Variants in PRKAG2 observed in about 807,000 individuals in gnomAD.
PRKAG2 encodes protein kinase AMP-activated non-catalytic subunit gamma 2.
A neutral mutation model predicts 69.6 loss-of-function variants in PRKAG2; 26 were observed. That is an observed-to-expected ratio of 0.37 (90% CI 0.27 to 0.52). The LOEUF (loss-of-function observed/expected upper bound fraction) is 0.52, where lower values mean the gene tolerates loss of function less well. PRKAG2 is among the 20% of genes least tolerant of loss of function. The probability of loss-of-function intolerance (pLI) is 0.90; values close to 1 mark genes in which losing one functional copy is unlikely to be tolerated. For missense variants in PRKAG2, 557 were observed against 740.0 expected, an observed-to-expected ratio of 0.75 and a Z score of 2.87; for synonymous variants, 293 against 285.0, an observed-to-expected ratio of 1.03 and a Z score of -0.28.
chr7:151,825,232 A>T (rs1294407249), intron 1 of PRKAG2, among the ~76,000 whole-genome samples: 1 of 152,138 alleles, frequency 6.6e-6, no homozygotes, highest in Non-Finnish European at 1.5e-5. Context: ...ACAGAAGGTC[A>T]TTTGTTGGCT....
chr7:151,862,424 A>G (rs943094745), intron 1 of PRKAG2, among the ~76,000 whole-genome samples: 1 of 152,172 alleles, frequency 6.6e-6, no homozygotes, highest in Non-Finnish European at 1.5e-5. Flanking sequence ...AAACGGGTTC[A>G]CTCAGATTTT....
intron 3 of PRKAG2, among the ~76,000 whole-genome samples, chr7:151,697,394 C>T (rs1012589198): frequency 6.6e-6 from 1 of 151,776 alleles, no homozygotes; most frequent in African/African-American, 2.4e-5. Context: ...GAGAGTGGGC[C>T]GAGCCCGGGA....
chr7:151,612,497 C>T (rs1819110792), intron 5 of PRKAG2, among the ~76,000 whole-genome samples: 1 of 152,200 alleles, frequency 6.6e-6, no homozygotes, highest in African/African-American at 2.4e-5. Flanking sequence ...CTAGGCAAGA[C>T]ACTGCCACTG....
intron 4 of PRKAG2, among the ~76,000 whole-genome samples, chr7:151,664,042 A>T (rs1293039525): frequency 3.3e-5 from 5 of 152,224 alleles, no homozygotes; most frequent in Non-Finnish European, 5.9e-5. Context: ...ATAAAACTTT[A>T]ATCACAAAAC....
At position 151,863,645 on chromosome 7, in the gene PRKAG2, G is replaced by T. The variant is rs75174926; in HGVS notation, c.114+12862C>A. On this transcript the variant is annotated intron_variant, in intron 1 of 15. Transcript: ENST00000287878. Reference sequence around the variant, plus strand: ...TAGAACCAAATATGAGGCCAGCACGGTGGCTCACGCCTGCAATCTTAGCAC... The same window carrying T: ...TAGAACCAAATATGAGGCCAGCACGTTGGCTCACGCCTGCAATCTTAGCAC... Among the ~76,000 whole-genome samples, 1,297 of 152,318 alleles carry T rather than the reference G, an allele frequency of 8.5e-3. 20 individuals carry two copies. The highest frequency in any genetic ancestry group is 0.027 in the African/African-American group (1,103 of 41,568).
chr7:151,857,715 C>T (rs1262316220), intron 1 of PRKAG2, among the ~76,000 whole-genome samples: 1 of 152,250 alleles, frequency 6.6e-6, no homozygotes, highest in Non-Finnish European at 1.5e-5. Flanking sequence ...TGCTGAGGAC[C>T]TGCTGGCTTG....
At chr7:151,622,453 T>G (rs912802371) in intron 5 of PRKAG2, among the ~76,000 whole-genome samples, 3 of 152,158 alleles carry the variant, frequency 2.0e-5, no homozygotes, top group Non-Finnish European at 4.4e-5. Context: ...AAAAAACCAT[T>G]GGCAGAGCCA....
chr7:151,745,860 G>A (rs2074245375), intron 3 of PRKAG2, among the ~76,000 whole-genome samples: 1 of 152,148 alleles, frequency 6.6e-6, no homozygotes, highest in African/African-American at 2.4e-5. Flanking sequence ...CCCTTCTCGT[G>A]GTGCCTGGCA....
intron 3 of PRKAG2, among the ~76,000 whole-genome samples, chr7:151,773,027 G>GAAAGAA (rs1563639348): frequency 1.4e-3 from 42 of 29,022 alleles, no homozygotes; most frequent in African/African-American, 3.6e-3. Flanking sequence ...GAAAGAAAGA[G>GAAAGAA]AGAGAGAGAG....
At position 151,675,552 on chromosome 7, in the gene PRKAG2, A is replaced by C; in HGVS notation, c.552T>G (p.Pro184=). The C allele has an allele frequency of 6.2e-7, 1 of 1,614,140 alleles. No individual in the cohort carries two copies. Among genetic ancestry groups the C allele is most frequent in the African/African-American group, 1.3e-5 (1 of 75,068 alleles). The change falls in exon 4 of 16, where the codon CCT becomes CCG. Residue 184 remains proline, a synonymous_variant. Transcript: ENST00000287878. The part of the protein sequence containing the change: ...TFPLESYKHE[P]ERLENRIYAS... ...CATAGATGCGATTCTCTAACCGTTC[A>C]GGCTCGTGCTTATAGGATTCCAGGG...
At position 151,576,459 on chromosome 7, in the gene PRKAG2, A is replaced by C. The variant is rs1433226385; in HGVS notation, c.865-7T>G. The C allele has an allele frequency of 6.3e-7, 1 of 1,578,676 alleles. No homozygotes were observed. Among genetic ancestry groups the C allele is most frequent in the Non-Finnish European group, 8.7e-7 (1 of 1,148,076 alleles). ...CAAAGAAGGCCTTTTTAACCTGAAG[A>C]AAAAGAGGAGAAACAAAACATACTT... is the stretch of plus-strand genomic sequence containing the variant. On this transcript the variant is annotated splice_region_variant and splice_polypyrimidine_tract_variant and intron_variant, in intron 6 of 15. Coordinates refer to ENST00000287878, the MANE Select transcript of PRKAG2 (RefSeq NM_016203.4).
chr7:151,576,129 T>C (rs915749056), intron 7 of PRKAG2: 10 of 522,202 alleles, frequency 1.9e-5, no homozygotes, highest in Admixed American at 3.2e-5. Flanking sequence ...TTTGTAGAGA[T>C]GAGGTCTTGC....
At chr7:151,672,851 G>A (rs111524369) in intron 4 of PRKAG2, among the ~76,000 whole-genome samples, 16 of 152,246 alleles carry the variant, frequency 1.1e-4, no homozygotes, top group Non-Finnish European at 1.5e-4. Flanking sequence ...CAGGGCACGT[G>A]CTCTGGGTCA....
intron 3 of PRKAG2, among the ~76,000 whole-genome samples, chr7:151,718,455 C>T (rs564959900): frequency 2.7e-4 from 41 of 152,026 alleles, no homozygotes; most frequent in South Asian, 1.5e-3. Flanking sequence ...GTCCACAGCA[C>T]GGCACGAGTC....
chr7:151,728,507 G>A (rs928956293), intron 3 of PRKAG2, among the ~76,000 whole-genome samples: 1 of 152,140 alleles, frequency 6.6e-6, no homozygotes, highest in South Asian at 2.1e-4. Flanking sequence ...CCCAACCCCA[G>A]GTCACCAAGC....
chr7:151,648,370 C>T (rs951715885), intron 4 of PRKAG2, among the ~76,000 whole-genome samples: 4 of 152,200 alleles, frequency 2.6e-5, no homozygotes, highest in East Asian at 1.9e-4. Flanking sequence ...ATCCTTGTAC[C>T]GCCTGAAAGC....
At chr7:151,727,396 C>T (rs1057172506) in intron 3 of PRKAG2, among the ~76,000 whole-genome samples, 1 of 152,082 alleles carries the variant, frequency 6.6e-6, no homozygotes, top group East Asian at 1.9e-4. Context: ...GGGAGGACCC[C>T]AGGTGAGCCA....
intron 5 of PRKAG2, among the ~76,000 whole-genome samples, chr7:151,607,879 G>C (rs370924934): frequency 6.6e-6 from 1 of 152,032 alleles, no homozygotes. Context: ...AGTGGCCTCC[G>C]CAAAAAGACA....
Position 151,632,017 on chromosome 7 carries a change from G to C in PRKAG2, c.754+52C>G, listed in dbSNP as rs561053742. 2 of 1,234,658 alleles carry C rather than the reference G, an allele frequency of 1.6e-6. No homozygotes were observed. Among genetic ancestry groups the C allele is most frequent in the Non-Finnish European group, 2.0e-6 (2 of 981,062 alleles). 76.5% of individuals were successfully genotyped at this position (1,234,658 alleles called of 1,614,324 possible). ...GGGGTCCCCGCGGGTCCCGGTCCTCGGGCGGCCGGGCCGTGGGAGCGCCGG... is the reference window on the plus strand; with the variant it reads ...GGGGTCCCCGCGGGTCCCGGTCCTCCGGCGGCCGGGCCGTGGGAGCGCCGG... On this transcript the variant is annotated intron_variant, in intron 5 of 15. Coordinates refer to ENST00000287878, the MANE Select transcript of PRKAG2 (RefSeq NM_016203.4). This position sits in a 1 kb window ranked among gnomAD's most constrained non-coding sequence, Gnocchi z 4.2.
Sources: gnomAD v4.1 joint callset for allele counts (sites outside exome capture counted in the v4.1 genomes callset) on GRCh38, gnomAD v4.1.1 for gene constraint, Gnocchi (gnomAD v3.1) non-coding constraint, MANE v1.5 for transcripts, NCBI Gene and HGNC (gene_info 2026-07-23, HGNC 2026-07-21) for gene names.